STX8: variants seen among roughly 807,000 people sequenced by gnomAD.
STX8 encodes the protein syntaxin 8.
Under a neutral mutation model 37.5 loss-of-function variants are expected in STX8, and 23 were observed. The ratio of observed to expected loss-of-function variants is 0.61; its 90% CI spans 0.44 to 0.87. The LOEUF (loss-of-function observed/expected upper bound fraction) is 0.87. Among genes scored for constraint, STX8 ranks in the 40% least tolerant of loss-of-function variants. The pLI, the probability that STX8 is intolerant of heterozygous loss-of-function variation, is 0.00. For synonymous variants in STX8, 115 were observed against 99.1 expected (o/e 1.16, Z -0.95); for missense variants, 313 against 284.7 (o/e 1.10, Z -0.71).
intron 7 of STX8, among the ~76,000 whole-genome samples, chr17:9,286,703 A>T (rs1432421519): frequency 1.3e-5 from 2 of 151,794 alleles, no homozygotes; most frequent in East Asian, 3.8e-4. Flanking sequence ...AAAAAAAAAA[A>T]AGTCCTGTTA....
intron 7 of STX8, among the ~76,000 whole-genome samples, chr17:9,327,186 A>AGAAGAAG (rs1264582496): frequency 6.0e-5 from 9 of 150,766 alleles, no homozygotes; most frequent in East Asian, 1.9e-4. Context: ...AGAAGAAGGA[A>AGAAGAAG]GAAGAAGGAA....
At chr17:9,513,191 A>C (rs1597718119) in intron 4 of STX8, among the ~76,000 whole-genome samples, 1 of 152,034 alleles carries the variant, frequency 6.6e-6, no homozygotes, top group East Asian at 1.9e-4. Flanking sequence ...AAATCATAAT[A>C]ATAATTGGAT....
intron 6 of STX8, among the ~76,000 whole-genome samples, chr17:9,432,083 T>A (rs1400460055): frequency 6.6e-6 from 1 of 152,198 alleles, no homozygotes; most frequent in Non-Finnish European, 1.5e-5. Context: ...TAAATTCTGA[T>A]TCTAATGCTC....
intron 4 of STX8, among the ~76,000 whole-genome samples, chr17:9,544,224 T>C (rs917189541): frequency 1.3e-5 from 2 of 152,272 alleles, no homozygotes; most frequent in East Asian, 3.9e-4. Context: ...CCACCCAAGC[T>C]CATTGCCTTC....
intron 6 of STX8, among the ~76,000 whole-genome samples, chr17:9,484,857 C>T (rs1262876795): frequency 6.6e-6 from 1 of 151,948 alleles, no homozygotes; most frequent in Non-Finnish European, 1.5e-5. Context: ...AGGCCAGGCC[C>T]AGCATTCTGG....
chr17:9,382,586 G>C (rs761866530), intron 6 of STX8, among the ~76,000 whole-genome samples: 2 of 152,012 alleles, frequency 1.3e-5, no homozygotes, highest in Non-Finnish European at 2.9e-5. Context: ...CCCCCAGCAA[G>C]ATTTTTAAAA....
intron 7 of STX8, among the ~76,000 whole-genome samples, chr17:9,341,759 G>A (rs1910367515): frequency 6.6e-6 from 1 of 152,306 alleles, no homozygotes; most frequent in African/African-American, 2.4e-5. Flanking sequence ...AAGTGCAGCT[G>A]AAGCAAGATT....
At chr17:9,383,112 C>G (rs1317652246) in intron 6 of STX8, among the ~76,000 whole-genome samples, 3 of 152,160 alleles carry the variant, frequency 2.0e-5, no homozygotes, top group Non-Finnish European at 2.9e-5. Flanking sequence ...AACCAGGAAA[C>G]AGATCCTCAC....
At chr17:9,356,818 G>A (rs935285876) in intron 7 of STX8, among the ~76,000 whole-genome samples, 3 of 152,084 alleles carry the variant, frequency 2.0e-5, no homozygotes, top group East Asian at 1.9e-4. Flanking sequence ...CTGGCTGAGC[G>A]GCAATCCCAG....
intron 6 of STX8, among the ~76,000 whole-genome samples, chr17:9,445,329 G>T (rs1904800622): frequency 6.6e-6 from 1 of 151,668 alleles, no homozygotes; most frequent in Non-Finnish European, 1.5e-5. Flanking sequence ...TGAGAAAGAA[G>T]AGACATGATA....
At chr17:9,397,321 G>C (rs113971586) in intron 6 of STX8, among the ~76,000 whole-genome samples, 1 of 152,150 alleles carries the variant, frequency 6.6e-6, no homozygotes, top group Non-Finnish European at 1.5e-5. Flanking sequence ...GCTTGAACCC[G>C]GGAGGGAGAG....
Position 9,505,134 on chromosome 17 carries a change from G to A in STX8, c.352C>T (p.Arg118Ter), listed in dbSNP as rs139849549. The A allele has an allele frequency of 4.3e-6, 7 of 1,613,906 alleles. No homozygotes were observed. Among genetic ancestry groups the A allele is most frequent in the East Asian group, 2.2e-5 (1 of 44,876 alleles). The change falls in exon 5 of 8, where the codon CGA (arginine) becomes TGA (stop). Residue 118 changes from arginine (R) to a stop codon, truncating the protein, a stop_gained. Transcript: ENST00000306357. LOFTEE classifies it high-confidence loss of function. ...RSSLMSEEAK[R>*]GAPNPWLFEE... ...AAGAGCCAAGGGTTGGGTGCTCCTC[G>A]CTTAGCCTCTTCACTCATCAGGCTG...
At chr17:9,367,877 C>T (rs1184438590) in intron 7 of STX8, among the ~76,000 whole-genome samples, 1 of 152,036 alleles carries the variant, frequency 6.6e-6, no homozygotes, top group East Asian at 1.9e-4. Context: ...ATTACAGGCA[C>T]CTGCCATTAG....
intron 6 of STX8, among the ~76,000 whole-genome samples, chr17:9,484,808 C>T (rs1286902146): frequency 1.3e-5 from 2 of 152,128 alleles, no homozygotes; most frequent in African/African-American, 4.8e-5. Flanking sequence ...GCCTGGGTGA[C>T]AGAGCAAGAT....
intron 7 of STX8, 128 bp from the exon 8 acceptor site, chr17:9,250,773 G>T: frequency 9.9e-7 from 1 of 1,005,060 alleles, no homozygotes; most frequent in South Asian, 1.4e-5. Flanking sequence ...ACGAAGTGGA[G>T]AGAGGTGGTC....
In STX8 at chr17:9,250,560, G is replaced by A. The variant is rs1312981478; in HGVS notation, c.*18C>T. 1 of 1,580,344 alleles carries A rather than the reference G, an allele frequency of 6.3e-7. No individual in the cohort carries two copies. Among genetic ancestry groups the A allele is most frequent in the South Asian group, 1.2e-5 (1 of 86,276 alleles). On this transcript the variant is annotated 3_prime_UTR_variant, in exon 8 of 8. Coordinates refer to ENST00000306357, the MANE Select transcript of STX8 (RefSeq NM_004853.3). ...CTGTCATTGGCAGGTGTCACTGCTG[G>A]TGGTCTCTTTACTGCCATCAGTTGG...
At chr17:9,424,925 G>A (rs1387108000) in intron 6 of STX8, among the ~76,000 whole-genome samples, 2 of 152,052 alleles carry the variant, frequency 1.3e-5, no homozygotes, top group African/African-American at 2.4e-5. Flanking sequence ...ATCATCCAAA[G>A]CAAAGAATAC....
intron 7 of STX8, among the ~76,000 whole-genome samples, chr17:9,294,546 C>G (rs796761149): frequency 9.1e-4 from 138 of 152,248 alleles, no homozygotes; most frequent in African/African-American, 3.2e-3. Flanking sequence ...AAGGAGCAGA[C>G]AGGAATCAGG....
At chr17:9,486,356 A>G (rs979464025) in intron 6 of STX8, among the ~76,000 whole-genome samples, 1 of 152,196 alleles carries the variant, frequency 6.6e-6, no homozygotes, top group Non-Finnish European at 1.5e-5. Flanking sequence ...GGATTGGTCA[A>G]TTTGGGATAT....
Sources: gnomAD v4.1 joint callset for allele counts (sites outside exome capture counted in the v4.1 genomes callset) on GRCh38, gnomAD v4.1.1 for gene constraint, MANE v1.5 for transcripts, NCBI Gene and HGNC (gene_info 2026-07-23, HGNC 2026-07-21) for gene names.